PLCXD3: variants seen among roughly 807,000 people sequenced by gnomAD.
The protein encoded by PLCXD3 is phosphatidylinositol specific phospholipase C X domain containing 3.
In PLCXD3, 19 loss-of-function variants were observed where a neutral mutation model predicts 25.5. The observed-to-expected ratio is 0.75, with a 90% CI of 0.52 to 1.09. PLCXD3 has a LOEUF of 1.09. Ranked by LOEUF, PLCXD3 falls within the 50% of genes least tolerant of loss-of-function variation. PLCXD3 has a pLI of 0.00. For synonymous variants in PLCXD3, 174 were observed against 137.6 expected (o/e 1.26, Z -1.85); for missense variants, 411 against 388.1 (o/e 1.06, Z -0.50).
At chr5:41,496,171 G>A (rs1014622738) in intron 1 of PLCXD3, among the ~76,000 whole-genome samples, 1 of 151,732 alleles carries the variant, frequency 6.6e-6, no homozygotes, top group Non-Finnish European at 1.5e-5. Flanking sequence ...CCAGTCAGAG[G>A]AACAAAAAGA....
chr5:41,390,819 T>G (rs1218743297), intron 1 of PLCXD3, among the ~76,000 whole-genome samples: 1 of 152,064 alleles, frequency 6.6e-6, no homozygotes, highest in African/African-American at 2.4e-5. Flanking sequence ...TCTGAAGAGA[T>G]AGAAAAAGCA....
At chr5:41,463,649 G>C (rs1747944104) in intron 1 of PLCXD3, among the ~76,000 whole-genome samples, 1 of 151,954 alleles carries the variant, frequency 6.6e-6, no homozygotes, top group African/African-American at 2.4e-5. Flanking sequence ...GATCTTCCCA[G>C]ACCTTGCAGA....
chr5:41,443,996 G>A (rs1257941155), intron 1 of PLCXD3, among the ~76,000 whole-genome samples: 1 of 152,074 alleles, frequency 6.6e-6, no homozygotes, highest in Non-Finnish European at 1.5e-5. Flanking sequence ...TCTTTTAAAT[G>A]GGAAAATTAG....
intron 1 of PLCXD3, among the ~76,000 whole-genome samples, chr5:41,386,039 A>T (rs994136663): frequency 1.3e-5 from 2 of 152,124 alleles, no homozygotes; most frequent in African/African-American, 2.4e-5. Context: ...TTACGCCACT[A>T]AATTCAGGGG....
At chr5:41,351,121 G>T (rs772716893) in intron 2 of PLCXD3, among the ~76,000 whole-genome samples, 4 of 152,124 alleles carry the variant, frequency 2.6e-5, no homozygotes, top group African/African-American at 4.8e-5. Context: ...CAAATCCTCA[G>T]AGCAGATACC....
chr5:41,375,294 C>T lies in PLCXD3; in HGVS notation c.812+6532G>A, dbSNP rs561214292. Among the ~76,000 whole-genome samples, 4 of 152,242 alleles carry T rather than the reference C, an allele frequency of 2.6e-5. No homozygotes were observed. The East Asian group carries it at 5.8e-4, about 22-fold the overall frequency. ...CCAGGGCACCATGCAGTGTTGAGTG[C>T]AGTGCAGACTGAAAGCCCTTCCATG... On this transcript the variant is annotated intron_variant, in intron 2 of 2. Coordinates refer to ENST00000377801, the MANE Select transcript of PLCXD3 (RefSeq NM_001005473.3).
At chr5:41,419,910 G>C (rs1460923521) in intron 1 of PLCXD3, among the ~76,000 whole-genome samples, 1 of 152,148 alleles carries the variant, frequency 6.6e-6, no homozygotes, top group East Asian at 1.9e-4. Context: ...ATTATTGTTA[G>C]AAAATTATTT....
intron 2 of PLCXD3, among the ~76,000 whole-genome samples, chr5:41,357,144 G>A (rs749890932): frequency 3.8e-4 from 58 of 152,280 alleles, no homozygotes; most frequent in Middle Eastern, 3.4e-3. Flanking sequence ...GTGATTAATG[G>A]CAACAAAACA....
At chr5:41,333,993 A>T (rs540040905) in intron 2 of PLCXD3, among the ~76,000 whole-genome samples, 1 of 152,290 alleles carries the variant, frequency 6.6e-6, no homozygotes, top group Admixed American at 6.5e-5. Flanking sequence ...TTTGACAAAT[A>T]TTTATAAAGC....
intron 1 of PLCXD3, among the ~76,000 whole-genome samples, chr5:41,429,804 A>C (rs1747049277): frequency 6.6e-6 from 1 of 152,190 alleles, no homozygotes; most frequent in Non-Finnish European, 1.5e-5. Flanking sequence ...ATCTATTCAC[A>C]CCCAAACTAA....
intron 2 of PLCXD3, among the ~76,000 whole-genome samples, chr5:41,375,701 C>T (rs999788395): frequency 1.3e-5 from 2 of 152,034 alleles, no homozygotes; most frequent in African/African-American, 4.8e-5. Context: ...TTAGCTTTGC[C>T]CACTCTGTCA....
intron 1 of PLCXD3, among the ~76,000 whole-genome samples, chr5:41,443,923 C>G (rs887259574): frequency 5.9e-5 from 9 of 152,112 alleles, no homozygotes; most frequent in African/African-American, 9.7e-5. Flanking sequence ...TATGTAGATA[C>G]TTTCCCTGAG....
At chr5:41,476,478 A>G (rs1748287061) in intron 1 of PLCXD3, among the ~76,000 whole-genome samples, 1 of 152,198 alleles carries the variant, frequency 6.6e-6, no homozygotes, top group Admixed American at 6.5e-5. Flanking sequence ...TCAGTCCCTA[A>G]TAAAAACTGG....
At chr5:41,377,357 G>T (rs1454768636) in intron 2 of PLCXD3, among the ~76,000 whole-genome samples, 1 of 151,704 alleles carries the variant, frequency 6.6e-6, no homozygotes, top group African/African-American at 2.4e-5. Flanking sequence ...TAAACTGTTG[G>T]CCTGTACAAA....
At chr5:41,460,886 T>A (rs1747857803) in intron 1 of PLCXD3, among the ~76,000 whole-genome samples, 1 of 151,988 alleles carries the variant, frequency 6.6e-6, no homozygotes. Flanking sequence ...TATTGTTGCC[T>A]AAGTGTTTCA....
chr5:41,453,185 T>A lies in PLCXD3; in HGVS notation c.103+57239A>T, dbSNP rs184735424. 1.5e-3 allele frequency among the ~76,000 whole-genome samples: 226 copies of A among 152,008 alleles called. 1 individual carries two copies. Among genetic ancestry groups the A allele is most frequent in the African/African-American group, 5.3e-3 (219 of 41,514 alleles). On this transcript the variant is annotated intron_variant, in intron 1 of 2. Transcript: ENST00000377801. ...CACCCAATCTCCCAGGCCCTGGTAA[T>A]CACCATTCTATTCTTCTCCTTCCAT...
chr5:41,471,816 CCG>C, intron 1 of PLCXD3, among the ~76,000 whole-genome samples: 2 of 7,924 alleles, frequency 2.5e-4, no homozygotes, highest in East Asian at 3.2e-3. Flanking sequence ...CCCTCCCCTC[CCG>C]TCCCCTCCCC....
chr5:41,318,534 AATGACTT>A (rs994430781), intron 2 of PLCXD3, among the ~76,000 whole-genome samples: 1 of 152,192 alleles, frequency 6.6e-6, no homozygotes, highest in African/African-American at 2.4e-5. Context: ...AAGTTAAAAT[AATGACTT>A]ATAAGATGGT....
At chr5:41,379,943 G>T (rs1432930429) in intron 2 of PLCXD3, among the ~76,000 whole-genome samples, 4 of 152,024 alleles carry the variant, frequency 2.6e-5, no homozygotes, top group African/African-American at 9.7e-5. Context: ...TGAATGGTTG[G>T]TAATGTTATT....
Sources: gnomAD v4.1 joint callset for allele counts (sites outside exome capture counted in the v4.1 genomes callset) on GRCh38, gnomAD v4.1.1 for gene constraint, MANE v1.5 for transcripts, NCBI Gene and HGNC (gene_info 2026-07-23, HGNC 2026-07-21) for gene names.